The following SUMF1 variants were observed in gnomAD, a reference collection of about 807,000 sequenced individuals.
The protein encoded by SUMF1 is sulfatase modifying factor 1, also known as formylglycine-generating enzyme.
SUMF1 carries 48 observed loss-of-function variants against 47.6 expected under a neutral mutation model. The observed-to-expected ratio is 1.01, with a 90% CI of 0.80 to 1.28. The LOEUF (loss-of-function observed/expected upper bound fraction) is 1.28. SUMF1 is among the 50% of genes most tolerant of loss of function. The probability of loss-of-function intolerance (pLI) is 0.00; values close to 1 mark genes in which losing one functional copy is unlikely to be tolerated. For synonymous variants in SUMF1, 230 were observed against 192.1 expected, an observed-to-expected ratio of 1.20 and a Z score of -1.63; for missense variants, 571 against 485.4, an observed-to-expected ratio of 1.18 and a Z score of -1.66.
intron 8 of SUMF1, among the ~76,000 whole-genome samples, chr3:4,297,465 T>G (rs975248661): frequency 6.6e-6 from 1 of 151,850 alleles, no homozygotes; most frequent in Non-Finnish European, 1.5e-5. Flanking sequence ...TGCAGTACGG[T>G]GGCACAATCA....
chr3:4,305,206 T>C (rs1255191862), intron 8 of SUMF1, among the ~76,000 whole-genome samples: 2 of 152,074 alleles, frequency 1.3e-5, no homozygotes, highest in Admixed American at 6.5e-5. Flanking sequence ...CCACCTCAGC[T>C]TCCCGAGTAG....
chr3:4,217,527 T>TATAAAA (rs1695959717), intron 8 of SUMF1, among the ~76,000 whole-genome samples: 1 of 100,888 alleles, frequency 9.9e-6, no homozygotes, highest in South Asian at 3.7e-4. Context: ...TATATATATA[T>TATAAAA]ATATATATAT....
At chr3:4,083,681 C>T (rs1344860698) in intron 8 of SUMF1, among the ~76,000 whole-genome samples, 1 of 152,022 alleles carries the variant, frequency 6.6e-6, no homozygotes, top group Non-Finnish European at 1.5e-5. Flanking sequence ...TGAAAGCCTA[C>T]AAAATATGTA....
chr3:4,440,286 C>T (rs1198759608), intron 3 of SUMF1, among the ~76,000 whole-genome samples: 1 of 149,768 alleles, frequency 6.7e-6, no homozygotes, highest in Non-Finnish European at 1.5e-5. Context: ...ATTTATCTGA[C>T]TTACATGTGT....
At chr3:4,260,074 A>T (rs1357060842) in intron 8 of SUMF1, among the ~76,000 whole-genome samples, 1 of 152,138 alleles carries the variant, frequency 6.6e-6, no homozygotes, top group Admixed American at 6.5e-5. Context: ...GGAATAATGA[A>T]TTAGTGAAAT....
chr3:4,457,065 T>TATACGTTTGTGTAC (rs1324007345), intron 1 of SUMF1, among the ~76,000 whole-genome samples: 1 of 119,166 alleles, frequency 8.4e-6, no homozygotes, highest in Admixed American at 8.7e-5. Flanking sequence ...TGTGTATATA[T>TATACGTTTGTGTAC]ATATATATAC....
intron 2 of SUMF1, 60 bp from the exon 3 acceptor site, chr3:4,449,400 G>T: frequency 6.6e-7 from 1 of 1,517,636 alleles, no homozygotes; most frequent in Non-Finnish European, 9.2e-7. Flanking sequence ...TTGCATGTGT[G>T]CCCTTTTCTC....
chr3:4,094,065 T>A (rs926642110), intron 8 of SUMF1, among the ~76,000 whole-genome samples: 1 of 152,038 alleles, frequency 6.6e-6, no homozygotes, highest in African/African-American at 2.4e-5. Flanking sequence ...ACTGAACTGA[T>A]ACAGAAAATA....
chr3:4,267,899 G>C (rs1454180552), intron 8 of SUMF1, among the ~76,000 whole-genome samples: 2 of 149,816 alleles, frequency 1.3e-5, no homozygotes, highest in Admixed American at 6.7e-5. Flanking sequence ...TATACCCAAA[G>C]GACTATAAAT....
At chr3:4,316,876 A>G in intron 8 of SUMF1, 1 of 1,549,488 alleles carries the variant, frequency 6.5e-7, no homozygotes, top group Non-Finnish European at 8.7e-7. Context: ...TATGCTCAGG[A>G]AATCGATGAG....
At chr3:4,374,942 T>C (rs1700278133) in intron 8 of SUMF1, among the ~76,000 whole-genome samples, 1 of 151,964 alleles carries the variant, frequency 6.6e-6, no homozygotes, top group Non-Finnish European at 1.5e-5. Flanking sequence ...CAGGAAGAAT[T>C]TCCTGAGCCC....
At chr3:4,083,315 C>T (rs1233253025) in intron 8 of SUMF1, among the ~76,000 whole-genome samples, 1 of 152,078 alleles carries the variant, frequency 6.6e-6, no homozygotes, top group Non-Finnish European at 1.5e-5. Flanking sequence ...TTTTCCAAGA[C>T]ACACGTTACT....
At chr3:4,170,155 T>G (rs73809337) in intron 8 of SUMF1, among the ~76,000 whole-genome samples, 4 of 152,174 alleles carry the variant, frequency 2.6e-5, no homozygotes, top group Non-Finnish European at 5.9e-5. Context: ...GTTTTTGTGC[T>G]ACAACAGTAA....
chr3:4,432,734 TA>T (rs1228155567), intron 3 of SUMF1, among the ~76,000 whole-genome samples: 1 of 152,246 alleles, frequency 6.6e-6, no homozygotes, highest in Non-Finnish European at 1.5e-5. Context: ...CAGTCAGTTA[TA>T]AATTTACCTG....
At chr3:4,197,030 G>C (rs377160716) in intron 8 of SUMF1, among the ~76,000 whole-genome samples, 78 of 152,170 alleles carry the variant, frequency 5.1e-4, no homozygotes, top group African/African-American at 1.8e-3. Context: ...ACTCCTAGAC[G>C]AAACTGTCTA....
chr3:4,392,956 G>A (rs1700923050), intron 7 of SUMF1, among the ~76,000 whole-genome samples: 3 of 151,958 alleles, frequency 2.0e-5, no homozygotes, highest in Admixed American at 2.0e-4. Flanking sequence ...CATGAACCAA[G>A]GTGTATGGAT....
chr3:4,436,089 C>A (rs549097399), intron 3 of SUMF1, among the ~76,000 whole-genome samples: 13 of 152,150 alleles, frequency 8.5e-5, no homozygotes, highest in African/African-American at 3.1e-4. Context: ...TGAGACCAGC[C>A]TGGGCAACAT....
chr3:4,057,678 G>A (rs1240146944), intron 9 of SUMF1, among the ~76,000 whole-genome samples: 2 of 152,064 alleles, frequency 1.3e-5, no homozygotes, highest in Admixed American at 6.6e-5. Flanking sequence ...GAATCATGAC[G>A]GGGAAGGAAG....
chr3:4,165,937 A>G (rs189565475), intron 8 of SUMF1, among the ~76,000 whole-genome samples: 1 of 146,388 alleles, frequency 6.8e-6, no homozygotes, highest in Admixed American at 7.0e-5. Context: ...TCACTGATGC[A>G]GTAGCAGATC....
Sources: allele counts gnomAD v4.1 joint callset (sites outside exome capture counted in the v4.1 genomes callset), GRCh38; gene constraint gnomAD v4.1.1; transcripts MANE v1.5; gene names NCBI Gene and HGNC (gene_info 2026-07-23, HGNC 2026-07-21).